The following WASHC2C variants were observed in gnomAD, a reference collection of about 807,000 sequenced individuals.
WASHC2C encodes the protein Vaccinia Penetration Factor.
In WASHC2C, 73 loss-of-function variants were observed where a neutral mutation model predicts 142.2. That is an observed-to-expected ratio of 0.51 (90% CI 0.43 to 0.62). The LOEUF (loss-of-function observed/expected upper bound fraction) is 0.62. WASHC2C is among the 20% of genes least tolerant of loss of function. The pLI is 0.00. For synonymous variants in WASHC2C, 337 were observed against 565.5 expected (o/e 0.60, Z 5.73); for missense variants, 969 against 1,531.7 (o/e 0.63, Z 6.13).
At chr10:45,742,877 CTT>C (rs1227719013) in intron 5 of WASHC2C, among the ~76,000 whole-genome samples, 5 of 96,056 alleles carry the variant, frequency 5.2e-5, no homozygotes, top group East Asian at 3.5e-4. Flanking sequence ...CATCTTTTTT[CTT>C]TTTTTTTTTT....
intron 26 of WASHC2C, chr10:45,786,023 G>T (rs1353766791): frequency 7.4e-6 from 2 of 271,938 alleles, no homozygotes; most frequent in Non-Finnish European, 1.4e-5. Context: ...CTCTCCCGAG[G>T]TCATTGCTGT....
intron 5 of WASHC2C, among the ~76,000 whole-genome samples, chr10:45,741,345 C>A (rs1182123793): frequency 6.6e-6 from 1 of 152,132 alleles, no homozygotes; most frequent in Non-Finnish European, 1.5e-5. Context: ...TGGCACTGAC[C>A]AGTACACTTG....
chr10:45,727,643 C>T (rs2050027082), intron 2 of WASHC2C, 104 bp downstream of exon 2: 2 of 1,338,840 alleles, frequency 1.5e-6, no homozygotes, highest in South Asian at 3.0e-5. Context: ...CGTCCCGTTG[C>T]CTGCCCTCTT....
In WASHC2C at chr10:45,769,710, T is replaced by C. The variant is rs1436430420; in HGVS notation, c.2039+92T>C. Reference sequence around the variant, plus strand: ...ACAATCTAGTTCATCGGGTGATTGCTAATCATGGATCACATAGTGATTGTG... The same window carrying C: ...ACAATCTAGTTCATCGGGTGATTGCCAATCATGGATCACATAGTGATTGTG... On this transcript the variant is annotated intron_variant, in intron 20 of 30. Transcript: ENST00000623400. The C allele has an allele frequency of 5.8e-6, 9 of 1,563,740 alleles. No individual in the cohort carries two copies. In the African/African-American group the frequency reaches 1.2e-4, roughly 21 times the overall value.
chr10:45,788,501 C>T (rs1422308195), intron 28 of WASHC2C, among the ~76,000 whole-genome samples: 1 of 152,148 alleles, frequency 6.6e-6, no homozygotes, highest in Non-Finnish European at 1.5e-5. Flanking sequence ...AAGATACCCA[C>T]GTTTCTGTTG....
At chr10:45,758,336 T>A (rs1208972676) in intron 16 of WASHC2C, among the ~76,000 whole-genome samples, 6 of 152,144 alleles carry the variant, frequency 3.9e-5, no homozygotes, top group Non-Finnish European at 8.8e-5. Flanking sequence ...TCAGTTGATC[T>A]CTAAAGTGAT....
Position 45,792,792 on chromosome 10 carries a change from G to A in WASHC2C, c.*392G>A. On this transcript the variant is annotated 3_prime_UTR_variant, in exon 31 of 31. Transcript: ENST00000623400. Reference sequence around the variant, plus strand: ...GGAACCCTAACTTAGGGCTTGGGCAGGGGAAAGAGAAAGAAGATGAGAGAT... The same window carrying A: ...GGAACCCTAACTTAGGGCTTGGGCAAGGGAAAGAGAAAGAAGATGAGAGAT... The A allele has an allele frequency of 2.0e-6, 1 of 490,730 alleles. No individual in the cohort carries two copies. 30.4% of individuals were successfully genotyped at this position (490,730 alleles called of 1,614,324 possible).
At chr10:45,728,764 A>G (rs1189013510) in intron 2 of WASHC2C, 98 bp from the exon 3 acceptor site, 4 of 1,447,312 alleles carry the variant, frequency 2.8e-6, no homozygotes, top group Non-Finnish European at 2.8e-6. Context: ...TCACATTCTA[A>G]CACTCAAAGG....
At chr10:45,729,251 TG>T (rs1221698676) in intron 3 of WASHC2C, among the ~76,000 whole-genome samples, 1 of 152,240 alleles carries the variant, frequency 6.6e-6, no homozygotes, top group Non-Finnish European at 1.5e-5. Context: ...TATACTTCAG[TG>T]CTTCCATCTT....
chr10:45,728,535 G>A (rs1218464478), intron 2 of WASHC2C, among the ~76,000 whole-genome samples: 2 of 151,594 alleles, frequency 1.3e-5, no homozygotes, highest in East Asian at 2.0e-4. Context: ...TCAGGAGTTC[G>A]AGACCAGCCT....
intron 19 of WASHC2C, among the ~76,000 whole-genome samples, chr10:45,767,471 T>A (rs1271109475): frequency 6.6e-6 from 1 of 152,308 alleles, no homozygotes; most frequent in Non-Finnish European, 1.5e-5. Context: ...TGATAGATTA[T>A]CCAGTTTTTT....
intron 23 of WASHC2C, among the ~76,000 whole-genome samples, chr10:45,784,276 A>G (rs1335162536): frequency 1.8e-3 from 12 of 6,542 alleles, no homozygotes; most frequent in African/African-American, 2.8e-3. Context: ...ATATATATAT[A>G]TATATATATA....
chr10:45,750,995 T>G (rs2053518871), intron 10 of WASHC2C, among the ~76,000 whole-genome samples, 157 bp downstream of exon 10: 1 of 152,100 alleles, frequency 6.6e-6, no homozygotes, highest in Non-Finnish European at 1.5e-5. Flanking sequence ...TATTCCTTTT[T>G]TGGTTAATGG....
Position 45,755,044 on chromosome 10 carries a change from T to G in WASHC2C, c.1349T>G (p.Leu450Arg). ...CCCTATGGTCCCCCTCCCACTGGCC[T>G]CTTTGATGATGATGATGGTGATGAT... is the stretch of plus-strand genomic sequence containing the variant. ...KSPYGPPPTGLFDDDDGDDDD... is the reference protein window; with the variant it reads ...KSPYGPPPTGRFDDDDGDDDD... The change falls in exon 15 of 31, where the codon CTC (leucine) becomes CGC (arginine). Residue 450 changes from leucine to arginine, a missense_variant. Leu to Arg is a moderately radical substitution (Grantham distance 102). Transcript: ENST00000623400. The G allele has an allele frequency of 1.2e-6, 2 of 1,611,762 alleles. No individual in the cohort carries two copies. The highest frequency in any genetic ancestry group is 1.7e-6 in the Non-Finnish European group (2 of 1,179,832).
chr10:45,750,967 A>C (rs1165731910), intron 10 of WASHC2C, 129 bp downstream of exon 10: 273 of 880,054 alleles, frequency 3.1e-4, no homozygotes, highest in Non-Finnish European at 4.3e-4. Context: ...TGCTACATAT[A>C]ATTTAAATTG....
rs2057184606 is a variant in WASHC2C at position 45,777,360 on chromosome 10, A to T, written c.2230A>T (p.Lys744Ter). The change falls in exon 22 of 31, where the codon AAG (lysine) becomes TAG (stop). Residue 744 changes from lysine (K) to a stop codon, truncating the protein, a stop_gained. Coordinates refer to ENST00000623400, the MANE Select transcript of WASHC2C (RefSeq NM_001330074.2). LOFTEE classifies it high-confidence loss of function. ...ACAACTTGGAGTGAAGTCTGTGGAT[A>T]AGAAGGTTGAGAGTGCCAAGGAGTC... ...EAQLGVKSVD[K>*]KVESAKESLK... 1 of 1,609,396 alleles carries T rather than the reference A, an allele frequency of 6.2e-7. No individual in the cohort carries two copies. Among genetic ancestry groups the T allele is most frequent in the Non-Finnish European group, 8.5e-7 (1 of 1,177,864 alleles).
At chr10:45,772,538 C>T (rs1387566025) in intron 20 of WASHC2C, among the ~76,000 whole-genome samples, 10 of 151,554 alleles carry the variant, frequency 6.6e-5, no homozygotes, top group Non-Finnish European at 1.0e-4. Context: ...CAACATAGAG[C>T]GACCTCACCT....
chr10:45,743,719 TTC>T (rs1320021230), intron 6 of WASHC2C, among the ~76,000 whole-genome samples: 1 of 149,884 alleles, frequency 6.7e-6, no homozygotes, highest in Non-Finnish European at 1.5e-5. Context: ...TTCTAAATGT[TTC>T]TCTGTGTGTT....
chr10:45,770,969 G>A (rs1188301722), intron 20 of WASHC2C, among the ~76,000 whole-genome samples: 1 of 152,144 alleles, frequency 6.6e-6, no homozygotes, highest in Non-Finnish European at 1.5e-5. Context: ...CATCGTGACT[G>A]CAGGGAAATA....
Sources: gnomAD v4.1 joint callset for allele counts (sites outside exome capture counted in the v4.1 genomes callset) on GRCh38, gnomAD v4.1.1 for gene constraint, MANE v1.5 for transcripts, NCBI Gene and HGNC (gene_info 2026-07-23, HGNC 2026-07-21) for gene names.